The following LIPK variants were observed in gnomAD, a reference collection of about 807,000 sequenced individuals.
The protein encoded by LIPK is lipase member K.
In LIPK, 32 loss-of-function variants were observed where a neutral mutation model predicts 48.6. The ratio of observed to expected loss-of-function variants is 0.66; its 90% CI spans 0.50 to 0.88. LIPK has a LOEUF of 0.88. Ranked by LOEUF, LIPK falls within the 40% of genes least tolerant of loss-of-function variation. LIPK has a pLI of 0.00. For missense variants in LIPK, 507 were observed against 478.5 expected, an observed-to-expected ratio of 1.06 and a Z score of -0.56; for synonymous variants, 164 against 157.4, an observed-to-expected ratio of 1.04 and a Z score of -0.32.
intron 4 of LIPK, 25 bp from the exon 5 acceptor site, chr10:88,732,153 A>G: frequency 6.8e-7 from 1 of 1,476,592 alleles, no homozygotes; most frequent in Non-Finnish European, 9.3e-7. Flanking sequence ...GACTTTTCTA[A>G]TTTGTTATTC....
chr10:88,746,505 C>T (rs911414686), intron 9 of LIPK, among the ~76,000 whole-genome samples: 8 of 152,086 alleles, frequency 5.3e-5, no homozygotes, highest in African/African-American at 1.7e-4. Flanking sequence ...AGACAACCTT[C>T]TCCTGAATGA....
In LIPK at chr10:88,732,471, G is replaced by A. The variant is rs578000020; in HGVS notation, c.589G>A (p.Ala197Thr). 9 of 1,612,996 alleles carry A rather than the reference G, an allele frequency of 5.6e-6. No homozygotes were observed. In the South Asian group the frequency reaches 8.8e-5, roughly 16 times the overall value. ...GGCTAAAAAGATTAAGATATTTTTT[G>A]CACTGGCTCCAGTTGTCACAGTTAA... ...ELAKKIKIFFALAPVVTVKYT... is the reference protein window; with the variant it reads ...ELAKKIKIFFTLAPVVTVKYT... The change falls in exon 6 of 10, where the codon GCA (alanine) becomes ACA (threonine). Residue 197 changes from alanine (A) to threonine (T), a missense_variant. Ala to Thr is a moderately conservative substitution (Grantham distance 58). Transcript: ENST00000404190.
chr10:88,751,100 G>T (rs1842855657), intron 9 of LIPK, among the ~76,000 whole-genome samples: 1 of 152,124 alleles, frequency 6.6e-6, no homozygotes, highest in Non-Finnish European at 1.5e-5. Flanking sequence ...AGTAGTATCT[G>T]CCAGGGATAG....
intron 1 of LIPK, among the ~76,000 whole-genome samples, chr10:88,707,781 T>C (rs1285418302): frequency 1.3e-5 from 2 of 152,204 alleles, no homozygotes; most frequent in African/African-American, 2.4e-5. Flanking sequence ...CACTTGTTAA[T>C]AGTCTCCTCA....
chr10:88,740,882 C>T (rs1387987540), intron 8 of LIPK, among the ~76,000 whole-genome samples: 1 of 152,076 alleles, frequency 6.6e-6, no homozygotes, highest in East Asian at 1.9e-4. Context: ...AGAATCGCTA[C>T]TATAGATAGC....
chr10:88,708,149 C>G (rs72822152), intron 1 of LIPK, among the ~76,000 whole-genome samples: 3,559 of 152,212 alleles, frequency 0.023, 51 homozygotes, highest in Middle Eastern at 0.068. Flanking sequence ...ATGATTATTA[C>G]AAGATGGAAG....
At chr10:88,751,577 A>C (rs1842863772) in intron 9 of LIPK, among the ~76,000 whole-genome samples, 1 of 152,126 alleles carries the variant, frequency 6.6e-6, no homozygotes, top group South Asian at 2.1e-4. Context: ...TACTATAACA[A>C]CTATAATAGT....
chr10:88,732,349 T>C, intron 5 of LIPK, 62 bp downstream of exon 5: 1 of 1,595,456 alleles, frequency 6.3e-7, no homozygotes, highest in Non-Finnish European at 8.6e-7. Context: ...TGGCTACATT[T>C]ACTACAACTT....
chr10:88,713,619 T>C (rs1842063484), intron 1 of LIPK, among the ~76,000 whole-genome samples: 1 of 152,106 alleles, frequency 6.6e-6, no homozygotes, highest in Non-Finnish European at 1.5e-5. Context: ...CTAGTTAGGA[T>C]TTTCTATGTG....
chr10:88,713,177 C>G (rs1311160078), intron 1 of LIPK, among the ~76,000 whole-genome samples: 1 of 152,160 alleles, frequency 6.6e-6, no homozygotes, highest in Non-Finnish European at 1.5e-5. Context: ...AACCTACTTA[C>G]CCTCTCTTTG....
At chr10:88,734,649 A>G (rs1231824617) in intron 6 of LIPK, among the ~76,000 whole-genome samples, 1 of 152,192 alleles carries the variant, frequency 6.6e-6, no homozygotes, top group African/African-American at 2.4e-5. Flanking sequence ...TAGGAGAATC[A>G]TTATGGAGTT....
intron 1 of LIPK, among the ~76,000 whole-genome samples, chr10:88,707,020 GGACT>G (rs1426174125): frequency 2.6e-5 from 4 of 151,988 alleles, no homozygotes; most frequent in Admixed American, 1.3e-4. Context: ...TCAACTGGAT[GGACT>G]AATATTCCCT....
intron 1 of LIPK, among the ~76,000 whole-genome samples, chr10:88,722,340 A>G (rs1191787530): frequency 1.3e-5 from 2 of 152,210 alleles, no homozygotes; most frequent in Non-Finnish European, 2.9e-5. Flanking sequence ...TCCTTCATCC[A>G]TCCATTTTAT....
chr10:88,709,717 G>A (rs1007548597), intron 1 of LIPK, among the ~76,000 whole-genome samples: 3 of 151,768 alleles, frequency 2.0e-5, no homozygotes, highest in African/African-American at 7.3e-5. Context: ...TTTTATTAAG[G>A]TCAGTTCCTT....
At chr10:88,733,134 T>C (rs1842502026) in intron 6 of LIPK, among the ~76,000 whole-genome samples, 1 of 152,240 alleles carries the variant, frequency 6.6e-6, no homozygotes, top group South Asian at 2.1e-4. Context: ...TCATTAGTTT[T>C]ATAGAATGTA....
At chr10:88,739,650 G>A (rs2134766240) in intron 7 of LIPK, among the ~76,000 whole-genome samples, 1 of 152,076 alleles carries the variant, frequency 6.6e-6, no homozygotes, top group South Asian at 2.1e-4. Context: ...GGTCAGGAGA[G>A]CGAGACCATC....
chr10:88,719,445 A>C (rs1842180169), intron 1 of LIPK, among the ~76,000 whole-genome samples: 1 of 152,254 alleles, frequency 6.6e-6, no homozygotes, highest in Non-Finnish European at 1.5e-5. Context: ...TGCTCCCTGC[A>C]GTTGAAGCTC....
intron 1 of LIPK, among the ~76,000 whole-genome samples, chr10:88,717,186 T>G (rs1461294886): frequency 6.6e-6 from 1 of 152,208 alleles, no homozygotes; most frequent in African/African-American, 2.4e-5. Flanking sequence ...TCAAACCATC[T>G]GCTAAATACC....
At chr10:88,747,138 A>C (rs1018524698) in intron 9 of LIPK, among the ~76,000 whole-genome samples, 1 of 152,182 alleles carries the variant, frequency 6.6e-6, no homozygotes, top group African/African-American at 2.4e-5. Context: ...TACCAACCAG[A>C]AAAAGCCCTG....
Sources: allele counts gnomAD v4.1 joint callset (sites outside exome capture counted in the v4.1 genomes callset), GRCh38; gene constraint gnomAD v4.1.1; transcripts MANE v1.5; gene names NCBI Gene and HGNC (gene_info 2026-07-23, HGNC 2026-07-21).